The following SLC22A23 variants were observed in gnomAD, a reference collection of about 807,000 sequenced individuals.
SLC22A23 encodes the protein solute carrier family 22 member 23.
A neutral mutation model predicts 61.0 loss-of-function variants in SLC22A23; 26 were observed. That is an observed-to-expected ratio of 0.43 (90% CI 0.31 to 0.59). The LOEUF (loss-of-function observed/expected upper bound fraction) is 0.59. SLC22A23 is among the 20% of genes least tolerant of loss of function. SLC22A23 has a pLI of 0.11. For synonymous variants in SLC22A23, 430 were observed against 413.9 expected (o/e 1.04, Z -0.47); for missense variants, 796 against 934.7 (o/e 0.85, Z 1.94).
chr6:3,410,411 C>G lies in SLC22A23; in HGVS notation c.759-69G>C. 1.4e-6 allele frequency: 2 copies of G among 1,480,300 alleles called. No homozygotes were observed. The highest frequency in any genetic ancestry group is 1.8e-6 in the Non-Finnish European group (2 of 1,106,400). The allele number at this position is 1,480,300 out of a possible 1,614,324, so 91.7% of individuals were successfully genotyped here. A position where few individuals can be genotyped will look rare whatever the true frequency, so the allele number is the denominator to read the frequency against. ...GACAATGACGCTAGATGCTGAAACC[C>G]GGTGTCCAGCAGGCACTCAATATAT... On this transcript the variant is annotated intron_variant, in intron 2 of 9. Transcript: ENST00000406686. This position sits in a 1 kb window ranked among gnomAD's most constrained non-coding sequence, Gnocchi z 5.0.
At chr6:3,355,185 T>TA (rs1201003822) in intron 3 of SLC22A23, among the ~76,000 whole-genome samples, 2,769 of 136,260 alleles carry the variant, frequency 0.02, 27 homozygotes, top group African/African-American at 0.042. Flanking sequence ...CCTCCCCAGC[T>TA]AAAAAAAAAA....
chr6:3,445,097 G>A (rs1054790489), intron 1 of SLC22A23: 12 of 435,584 alleles, frequency 2.8e-5, no homozygotes, highest in Non-Finnish European at 3.4e-5. Flanking sequence ...AGCACTGACC[G>A]CATTCTACCA....
At position 3,393,853 on chromosome 6, in the gene SLC22A23, G is replaced by A. The variant is rs958046988; in HGVS notation, c.913+16335C>T. On this transcript the variant is annotated intron_variant, in intron 3 of 9. Coordinates refer to ENST00000406686, the MANE Select transcript of SLC22A23 (RefSeq NM_015482.2). ...ATCCCTCTGAAAAGAGGATAGGAAC[G>A]AGGCAACGGCCTCTCAGGCCCTGGA... Among the ~76,000 whole-genome samples, 35 of 152,218 alleles carry A rather than the reference G, an allele frequency of 2.3e-4. 1 individual carries two copies. Among genetic ancestry groups the A allele is most frequent in the Non-Finnish European group, 4.4e-5 (3 of 68,036 alleles).
intron 3 of SLC22A23, among the ~76,000 whole-genome samples, chr6:3,391,421 T>C (rs1034110675): frequency 6.6e-6 from 1 of 152,252 alleles, no homozygotes; most frequent in Admixed American, 6.5e-5. Flanking sequence ...TATGTGGGAA[T>C]TGGACTAAAA....
At chr6:3,366,728 A>G (rs1561929026) in intron 3 of SLC22A23, among the ~76,000 whole-genome samples, 1 of 152,208 alleles carries the variant, frequency 6.6e-6, no homozygotes, top group Non-Finnish European at 1.5e-5. Flanking sequence ...TATCAGCCTC[A>G]GAGAGCGACT....
chr6:3,425,247 T>C (rs1770411026), intron 1 of SLC22A23, among the ~76,000 whole-genome samples: 1 of 151,544 alleles, frequency 6.6e-6, no homozygotes, highest in Admixed American at 6.6e-5. Flanking sequence ...AGTAGAAAAT[T>C]GGGTATATGA....
chr6:3,274,740 C>G (rs1758740320), intron 9 of SLC22A23, among the ~76,000 whole-genome samples: 1 of 152,184 alleles, frequency 6.6e-6, no homozygotes, highest in African/African-American at 2.4e-5. Context: ...ATGCCATTCA[C>G]AATAACATCC....
At chr6:3,452,440 A>T (rs1772194976) in intron 1 of SLC22A23, among the ~76,000 whole-genome samples, 1 of 151,922 alleles carries the variant, frequency 6.6e-6, no homozygotes, top group South Asian at 2.1e-4. Flanking sequence ...CAAAAAAATA[A>T]AAATAAAAAT....
At chr6:3,381,311 C>T (rs1023101494) in intron 3 of SLC22A23, among the ~76,000 whole-genome samples, 1 of 151,664 alleles carries the variant, frequency 6.6e-6, no homozygotes, top group Admixed American at 6.6e-5. Context: ...AACCACAGCA[C>T]TGTAGTACAG....
At chr6:3,295,928 T>C (rs1039691460) in intron 5 of SLC22A23, among the ~76,000 whole-genome samples, 2 of 152,162 alleles carry the variant, frequency 1.3e-5, no homozygotes, top group African/African-American at 4.8e-5. Context: ...CCTGGGACTC[T>C]GGAAAGGAAA....
chr6:3,397,572 C>T (rs987290574), intron 3 of SLC22A23, among the ~76,000 whole-genome samples: 1 of 152,168 alleles, frequency 6.6e-6, no homozygotes, highest in African/African-American at 2.4e-5. Context: ...ACATATCTTT[C>T]TATATATTTG....
chr6:3,316,055 G>A (rs772337672), intron 4 of SLC22A23, among the ~76,000 whole-genome samples: 5 of 152,142 alleles, frequency 3.3e-5, no homozygotes, highest in African/African-American at 7.2e-5. Context: ...CACCACAGGC[G>A]TTTTTATTCA....
Position 3,342,300 on chromosome 6 carries a change from G to A in SLC22A23, c.914-18298C>T, listed in dbSNP as rs534866947. Among the ~76,000 whole-genome samples the A allele has an allele frequency of 2.0e-5, 3 of 152,182 alleles. No individual in the cohort carries two copies. The East Asian group carries it at 5.8e-4, about 29-fold the overall frequency. On this transcript the variant is annotated intron_variant, in intron 3 of 9. Coordinates refer to ENST00000406686, the MANE Select transcript of SLC22A23 (RefSeq NM_015482.2). This position sits in a 1 kb window ranked among gnomAD's most constrained non-coding sequence, Gnocchi z 4.0. ...ATAACTCTTTTTCAAAAAGTCATTG[G>A]GTGGCCAACAAATTGAGATAAAACA...
chr6:3,276,975 A>G (rs542524848), intron 9 of SLC22A23: 16 of 152,332 alleles, frequency 1.1e-4, no homozygotes, highest in African/African-American at 3.4e-4. Flanking sequence ...CTCGGTCTGC[A>G]TCTATAAAAC....
At chr6:3,306,323 G>A (rs1241909454) in intron 4 of SLC22A23, among the ~76,000 whole-genome samples, 2 of 152,212 alleles carry the variant, frequency 1.3e-5, no homozygotes, top group Non-Finnish European at 2.9e-5. Context: ...ATGTGATTTG[G>A]AAGGGACTCA....
intron 3 of SLC22A23, among the ~76,000 whole-genome samples, chr6:3,370,956 C>T (rs1307633176): frequency 3.3e-5 from 5 of 152,214 alleles, no homozygotes; most frequent in Non-Finnish European, 5.9e-5. Flanking sequence ...AGAGATACCA[C>T]AACACGAAAA....
chr6:3,382,137 G>A (rs920055452), intron 3 of SLC22A23, among the ~76,000 whole-genome samples: 2 of 152,196 alleles, frequency 1.3e-5, no homozygotes, highest in African/African-American at 4.8e-5. Context: ...TTCTCCATGA[G>A]AATCTATTCT....
At chr6:3,374,154 C>T (rs531898802) in intron 3 of SLC22A23, among the ~76,000 whole-genome samples, 43 of 152,238 alleles carry the variant, frequency 2.8e-4, no homozygotes, top group Non-Finnish European at 4.4e-4. Context: ...CCCAACTTTA[C>T]CTACATCTTT....
Position 3,272,430 on chromosome 6 carries a change from A to G in SLC22A23, c.*625T>C, listed in dbSNP as rs1319170830. The G allele has an allele frequency of 6.5e-6, 1 of 152,772 alleles. No homozygotes were observed. Among genetic ancestry groups the G allele is most frequent in the East Asian group, 1.9e-4 (1 of 5,336 alleles). 9.5% of individuals were successfully genotyped at this position (152,772 alleles called of 1,614,324 possible). A position where few individuals can be genotyped will look rare whatever the true frequency, so the allele number is the denominator to read the frequency against. On this transcript the variant is annotated 3_prime_UTR_variant, in exon 10 of 10. Coordinates refer to ENST00000406686, the MANE Select transcript of SLC22A23 (RefSeq NM_015482.2). ...ACAAAAGGATGATCCTGAAGGAAAG[A>G]TGAAGCTGGTTTTAACGGCGTCTGT...
Sources: allele counts gnomAD v4.1 joint callset (sites outside exome capture counted in the v4.1 genomes callset), GRCh38; gene constraint gnomAD v4.1.1; non-coding constraint Gnocchi (gnomAD v3.1); transcripts MANE v1.5; gene names NCBI Gene and HGNC (gene_info 2026-07-23, HGNC 2026-07-21).